The following ARMH1 variants were observed in gnomAD, a reference collection of about 807,000 sequenced individuals.
ARMH1 encodes the protein armadillo-like helical domain containing protein 1.
A neutral mutation model predicts 50.2 loss-of-function variants in ARMH1; 34 were observed. The observed-to-expected ratio is 0.68, with a 90% CI of 0.51 to 0.90. The LOEUF (loss-of-function observed/expected upper bound fraction) is 0.90. Among genes scored for constraint, ARMH1 ranks in the 40% least tolerant of loss-of-function variants. The pLI is 0.00. For missense variants in ARMH1, 538 were observed against 553.9 expected (o/e 0.97, Z 0.29); for synonymous variants, 221 against 224.2 (o/e 0.99, Z 0.13).
intron 6 of ARMH1, among the ~76,000 whole-genome samples, chr1:44,712,256 C>G (rs1646644108): frequency 6.6e-6 from 1 of 152,104 alleles, no homozygotes; most frequent in African/African-American, 2.4e-5. Flanking sequence ...GCCAGGAGTT[C>G]GAGACCAGCC....
chr1:44,701,213 C>A, intron 5 of ARMH1, 94 bp downstream of exon 5: 1 of 1,235,794 alleles, frequency 8.1e-7, no homozygotes, highest in Non-Finnish European at 1.1e-6. Flanking sequence ...GCATGAGAAA[C>A]GGAGCTCAGC....
At chr1:44,694,991 C>T (rs533270848) in intron 2 of ARMH1, among the ~76,000 whole-genome samples, 52 of 152,200 alleles carry the variant, frequency 3.4e-4, no homozygotes, top group African/African-American at 1.1e-3. Flanking sequence ...AAGTTAGAAC[C>T]GGGTGTCTGT....
intron 1 of ARMH1, among the ~76,000 whole-genome samples, chr1:44,685,190 T>C (rs1023104768): frequency 6.6e-6 from 1 of 152,140 alleles, no homozygotes; most frequent in Non-Finnish European, 1.5e-5. Flanking sequence ...CATATCATTA[T>C]ACAACTTCAG....
At chr1:44,692,465 G>T (rs1645689749) in intron 2 of ARMH1, among the ~76,000 whole-genome samples, 1 of 151,890 alleles carries the variant, frequency 6.6e-6, no homozygotes, top group South Asian at 2.1e-4. Flanking sequence ...CCCCCCACTG[G>T]ATTTTAGATC....
At chr1:44,695,028 C>T (rs991702840) in intron 2 of ARMH1, among the ~76,000 whole-genome samples, 1 of 152,210 alleles carries the variant, frequency 6.6e-6, no homozygotes, top group Admixed American at 6.5e-5. Context: ...CATCATGTCT[C>T]CTACTCAGTG....
chr1:44,680,361 G>A (rs1645268025), intron 1 of ARMH1, among the ~76,000 whole-genome samples: 1 of 152,162 alleles, frequency 6.6e-6, no homozygotes, highest in South Asian at 2.1e-4. Flanking sequence ...ATTTTTAGTA[G>A]AGACGGGATT....
intron 1 of ARMH1, among the ~76,000 whole-genome samples, chr1:44,687,519 G>A (rs1645512652): frequency 1.3e-5 from 2 of 152,140 alleles, no homozygotes; most frequent in South Asian, 2.1e-4. Flanking sequence ...CCTCCTCTGT[G>A]AGGAGAAACT....
At chr1:44,716,210 C>T (rs1432134820) in intron 6 of ARMH1, among the ~76,000 whole-genome samples, 1 of 152,088 alleles carries the variant, frequency 6.6e-6, no homozygotes, top group Admixed American at 6.6e-5. Flanking sequence ...GGCACCTCGT[C>T]CGCTCCCACA....
intron 6 of ARMH1, chr1:44,723,635 C>A: frequency 6.5e-6 from 1 of 155,004 alleles, no homozygotes. Flanking sequence ...GTATGGAAAG[C>A]CTGGCACCCT....
At chr1:44,711,537 G>A (rs1646614374) in intron 6 of ARMH1, among the ~76,000 whole-genome samples, 1 of 152,180 alleles carries the variant, frequency 6.6e-6, no homozygotes, top group Non-Finnish European at 1.5e-5. Context: ...TGGGTTGTAA[G>A]AGTTTTTCAT....
At chr1:44,701,407 G>C (rs1646074443) in intron 5 of ARMH1, among the ~76,000 whole-genome samples, 1 of 152,164 alleles carries the variant, frequency 6.6e-6, no homozygotes, top group Admixed American at 6.6e-5. Flanking sequence ...AAAGATTAAA[G>C]GAGTCGATTT....
intron 6 of ARMH1, among the ~76,000 whole-genome samples, chr1:44,716,844 C>G (rs963738847): frequency 6.7e-6 from 1 of 149,896 alleles, no homozygotes; most frequent in Non-Finnish European, 1.5e-5. Context: ...CCGAACTATT[C>G]TTTTTTCTTT....
chr1:44,712,274 CA>C (rs1490684853), intron 6 of ARMH1, among the ~76,000 whole-genome samples: 1 of 152,142 alleles, frequency 6.6e-6, no homozygotes, highest in Non-Finnish European at 1.5e-5. Flanking sequence ...GCCTGGGCAA[CA>C]AGGTGAAATC....
chr1:44,681,597 G>A lies in ARMH1; in HGVS notation c.-23+6724G>A, dbSNP rs911342283. Among the ~76,000 whole-genome samples the A allele has an allele frequency of 3.3e-5, 5 of 152,106 alleles. No homozygotes were observed. The highest frequency in any genetic ancestry group is 1.2e-4 in the African/African-American group (5 of 41,402). ...GGCAGGAGTAATGAGTAGAATGAGG[G>A]CCCTGAGAAGGCGGGGTGGATGGAG... On this transcript the variant is annotated intron_variant, in intron 1 of 11. Coordinates refer to ENST00000535358, the MANE Select transcript of ARMH1 (RefSeq NM_001145636.2). The surrounding 1 kb of genome is among the most constrained non-coding windows in gnomAD (Gnocchi z 4.3).
At chr1:44,712,432 T>C (rs1429625669) in intron 6 of ARMH1, among the ~76,000 whole-genome samples, 1 of 148,534 alleles carries the variant, frequency 6.7e-6, no homozygotes, top group Non-Finnish European at 1.5e-5. Flanking sequence ...CACTCCAGAG[T>C]GGGCAACAAG....
intron 6 of ARMH1, 175 bp from the exon 7 acceptor site, chr1:44,723,947 C>G (rs1647806134): frequency 1.2e-5 from 9 of 756,420 alleles, no homozygotes; most frequent in African/African-American, 1.8e-5. Flanking sequence ...CCCTTCAGCC[C>G]CCTCCTCCTG....
intron 6 of ARMH1, among the ~76,000 whole-genome samples, chr1:44,717,652 A>C (rs1573473938): frequency 2.0e-5 from 3 of 152,348 alleles, no homozygotes; most frequent in Admixed American, 2.0e-4. Flanking sequence ...TCCTCTTCAT[A>C]GCCCTAGCCC....
chr1:44,711,211 A>G (rs1036733728), intron 6 of ARMH1, among the ~76,000 whole-genome samples: 3 of 152,208 alleles, frequency 2.0e-5, no homozygotes, highest in Non-Finnish European at 4.4e-5. Flanking sequence ...TATATTACCT[A>G]GGAGTGGAAT....
chr1:44,718,601 T>A (rs192521757), intron 6 of ARMH1, among the ~76,000 whole-genome samples: 104 of 152,334 alleles, frequency 6.8e-4, no homozygotes, highest in African/African-American at 2.2e-3. Flanking sequence ...TTGCTGGGCC[T>A]TTGATTCCAA....
Sources: gnomAD v4.1 joint callset for allele counts (sites outside exome capture counted in the v4.1 genomes callset) on GRCh38, gnomAD v4.1.1 for gene constraint, Gnocchi (gnomAD v3.1) non-coding constraint, MANE v1.5 for transcripts, NCBI Gene and HGNC (gene_info 2026-07-23, HGNC 2026-07-21) for gene names.